Variants in EHBP1 observed in about 807,000 individuals in gnomAD.
EHBP1 encodes EH domain-binding protein 1.
EHBP1 carries 55 observed loss-of-function variants against 144.0 expected under a neutral mutation model. That is an observed-to-expected ratio of 0.38 (90% CI 0.31 to 0.48). The LOEUF (loss-of-function observed/expected upper bound fraction) is 0.48, where lower values mean the gene tolerates loss of function less well. Among genes scored for constraint, EHBP1 ranks in the 20% least tolerant of loss-of-function variants. The pLI is 0.98. For missense variants in EHBP1, 1,200 were observed against 1,364.2 expected (o/e 0.88, Z 1.90); for synonymous variants, 469 against 472.7 (o/e 0.99, Z 0.10).
intron 3 of EHBP1, among the ~76,000 whole-genome samples, chr2:62,749,031 A>T (rs1240001139): frequency 2.0e-5 from 3 of 152,170 alleles, no homozygotes; most frequent in African/African-American, 7.2e-5. Context: ...CATGTGCACA[A>T]CGTGCAGGTT....
At chr2:62,996,811 G>T (rs749555788) in intron 19 of EHBP1, 45 bp downstream of exon 19, 1 of 1,595,024 alleles carries the variant, frequency 6.3e-7, no homozygotes, top group Non-Finnish European at 8.5e-7. Context: ...CAAATTGAGC[G>T]TTCACAAACT....
intron 19 of EHBP1, among the ~76,000 whole-genome samples, chr2:63,035,956 A>G (rs1051346122): frequency 6.6e-6 from 1 of 152,034 alleles, no homozygotes; most frequent in African/African-American, 2.4e-5. Context: ...AACAATAAAG[A>G]CTTTTGTTCA....
At chr2:62,699,953 G>A (rs1242581768) in intron 1 of EHBP1, among the ~76,000 whole-genome samples, 3 of 152,138 alleles carry the variant, frequency 2.0e-5, no homozygotes, top group Non-Finnish European at 4.4e-5. Flanking sequence ...GGACAAAATT[G>A]TATTTTTAGT....
At chr2:62,771,630 C>T (rs571283361) in intron 5 of EHBP1, 164 of 269,400 alleles carry the variant, frequency 6.1e-4, no homozygotes, top group Non-Finnish European at 9.3e-4. Flanking sequence ...TGTATGTATG[C>T]GTGTGTATAT....
At chr2:62,838,608 A>G (rs1373612264) in intron 7 of EHBP1, among the ~76,000 whole-genome samples, 1 of 151,620 alleles carries the variant, frequency 6.6e-6, no homozygotes, top group Non-Finnish European at 1.5e-5. Context: ...ACTAATAAAG[A>G]AAAAAAGAGA....
chr2:62,895,345 AG>A (rs1172983680), intron 10 of EHBP1, among the ~76,000 whole-genome samples: 3 of 152,154 alleles, frequency 2.0e-5, no homozygotes, highest in African/African-American at 7.2e-5. Flanking sequence ...GAATATCCTG[AG>A]CAACAGAGCC....
chr2:62,782,227 C>T (rs765988703), intron 5 of EHBP1, among the ~76,000 whole-genome samples: 12 of 152,120 alleles, frequency 7.9e-5, no homozygotes, highest in East Asian at 3.8e-4. Flanking sequence ...GAGGGATACG[C>T]GTGTGAGACA....
chr2:63,040,058 T>A (rs2061595595), intron 21 of EHBP1, among the ~76,000 whole-genome samples: 1 of 151,776 alleles, frequency 6.6e-6, no homozygotes, highest in Non-Finnish European at 1.5e-5. Flanking sequence ...TTTTTCCTCT[T>A]GATATAGTTT....
intron 5 of EHBP1, among the ~76,000 whole-genome samples, chr2:62,800,621 G>A (rs1336706957): frequency 6.6e-6 from 1 of 152,012 alleles, no homozygotes; most frequent in Non-Finnish European, 1.5e-5. Context: ...TAAATCTTAG[G>A]GTTTTTGTTC....
chr2:62,870,738 C>CATATATATATATATATAT (rs756481712), intron 9 of EHBP1, among the ~76,000 whole-genome samples: 1 of 139,096 alleles, frequency 7.2e-6, no homozygotes, highest in African/African-American at 2.7e-5. Context: ...AAAAAAAATA[C>CATATATATATATATATAT]ATATATATAT....
chr2:62,952,260 T>C (rs1346401120), intron 13 of EHBP1, among the ~76,000 whole-genome samples: 2 of 152,192 alleles, frequency 1.3e-5, no homozygotes, highest in Admixed American at 1.3e-4. Flanking sequence ...GGTGCTGACA[T>C]TTGGTAGGCT....
At chr2:62,746,455 C>G (rs977055802) in intron 2 of EHBP1, among the ~76,000 whole-genome samples, 2 of 151,780 alleles carry the variant, frequency 1.3e-5, no homozygotes, top group Non-Finnish European at 2.9e-5. Flanking sequence ...GCACGGGATT[C>G]CAGTGTAAAA....
At chr2:62,708,233 T>G (rs2034788407) in intron 2 of EHBP1, among the ~76,000 whole-genome samples, 1 of 152,228 alleles carries the variant, frequency 6.6e-6, no homozygotes, top group Non-Finnish European at 1.5e-5. Context: ...TATTTGGAAC[T>G]AGTTTCTGAA....
intron 7 of EHBP1, among the ~76,000 whole-genome samples, chr2:62,854,449 A>C (rs193252443): frequency 5.7e-4 from 87 of 152,332 alleles, no homozygotes; most frequent in African/African-American, 1.9e-3. Context: ...AATCATTTCT[A>C]GCTTTTCATT....
intron 5 of EHBP1, among the ~76,000 whole-genome samples, chr2:62,787,280 T>C (rs1277381586): frequency 6.6e-6 from 1 of 152,084 alleles, no homozygotes; most frequent in Admixed American, 6.6e-5. Flanking sequence ...TCTAAAGTTA[T>C]ATTTTATAAA....
chr2:62,737,376 C>T (rs1187623087), intron 2 of EHBP1, among the ~76,000 whole-genome samples: 1 of 152,100 alleles, frequency 6.6e-6, no homozygotes, highest in African/African-American at 2.4e-5. Context: ...CGACTGGGTC[C>T]CCCTGGAGTT....
rs145690930 is a variant in EHBP1, at chr2:62,929,189, G to A, written c.1186-13529G>A. Among the ~76,000 whole-genome samples, 74 of 152,198 alleles carry A rather than the reference G, an allele frequency of 4.9e-4. 1 individual carries two copies. The highest frequency in any genetic ancestry group is 1.6e-3 in the African/African-American group (66 of 41,536). The stretch of plus-strand genomic sequence containing the variant: ...GAACCAACACTAATTCTTCTCAAAC[G>A]TTTCCAAAACATTGGAGAGGGAATA... On this transcript the variant is annotated intron_variant, in intron 10 of 22. Coordinates refer to ENST00000431489, the MANE Select transcript of EHBP1 (RefSeq NM_001142616.3).
At chr2:62,734,319 C>A (rs1176461759) in intron 2 of EHBP1, among the ~76,000 whole-genome samples, 1 of 148,028 alleles carries the variant, frequency 6.8e-6, no homozygotes, top group Non-Finnish European at 1.5e-5. Context: ...ATATGGTTTC[C>A]TTTTTTAAAA....
chr2:62,886,655 G>A (rs1285419225), intron 10 of EHBP1, among the ~76,000 whole-genome samples: 1 of 152,078 alleles, frequency 6.6e-6, no homozygotes, highest in Non-Finnish European at 1.5e-5. Flanking sequence ...GGAACAACTG[G>A]GAATCAGCCT....
Sources: gnomAD v4.1 joint callset for allele counts (sites outside exome capture counted in the v4.1 genomes callset) on GRCh38, gnomAD v4.1.1 for gene constraint, MANE v1.5 for transcripts, NCBI Gene and HGNC (gene_info 2026-07-23, HGNC 2026-07-21) for gene names.